Variants in PAAF1 observed in about 807,000 individuals in gnomAD.
PAAF1 encodes proteasomal ATPase-associated factor 1.
Under a neutral mutation model 52.8 loss-of-function variants are expected in PAAF1, and 46 were observed. That is an observed-to-expected ratio of 0.87 (90% CI 0.69 to 1.11). PAAF1 has a LOEUF of 1.11. Ranked by LOEUF, PAAF1 falls within the 50% of genes most tolerant of loss-of-function variation. The probability of loss-of-function intolerance (pLI) is 0.00; values close to 1 mark genes in which losing one functional copy is unlikely to be tolerated. For missense variants in PAAF1, 424 were observed against 477.4 expected (o/e 0.89, Z 1.04); for synonymous variants, 178 against 172.8 (o/e 1.03, Z -0.24).
chr11:73,925,032 G>A (rs1950314987), intron 11 of PAAF1, among the ~76,000 whole-genome samples: 1 of 151,524 alleles, frequency 6.6e-6, no homozygotes, highest in African/African-American at 2.4e-5. Flanking sequence ...GTACATGCCT[G>A]TAGTTCCAGT....
At position 73,890,274 on chromosome 11, in the gene PAAF1, T is replaced by G. The variant is rs189642902; in HGVS notation, c.193-838T>G. On this transcript the variant is annotated intron_variant, in intron 3 of 11. Coordinates refer to ENST00000310571, the MANE Select transcript of PAAF1 (RefSeq NM_025155.3). ...GTTTACCAAGCCTTTTTCTTTTTTT[T>G]ACCTCTACACGTGCTACCTTCAAAC... Among the ~76,000 whole-genome samples the G allele has an allele frequency of 2.6e-5, 4 of 152,300 alleles. No homozygotes were observed. In the East Asian group the frequency reaches 7.7e-4, roughly 29 times the overall value.
chr11:73,881,602 A>G (rs1029789426), intron 2 of PAAF1, among the ~76,000 whole-genome samples: 3 of 152,060 alleles, frequency 2.0e-5, no homozygotes, highest in Non-Finnish European at 2.9e-5. Flanking sequence ...ACAGTTTTAA[A>G]AAAACATTAT....
chr11:73,910,989 C>CAAAA (rs59523527), intron 7 of PAAF1, among the ~76,000 whole-genome samples: 2 of 69,482 alleles, frequency 2.9e-5, no homozygotes, highest in Non-Finnish European at 6.0e-5. Context: ...GACTCTGTCT[C>CAAAA]AAAAAAAAAA....
chr11:73,901,889 T>A (rs1591084616), intron 6 of PAAF1, among the ~76,000 whole-genome samples: 2 of 135,292 alleles, frequency 1.5e-5, no homozygotes, highest in South Asian at 4.7e-4. Flanking sequence ...TTTTTTTTTT[T>A]AGTTTCGCTT....
Position 73,917,629 on chromosome 11 carries a change from T to C in PAAF1, c.935+969T>C, listed in dbSNP as rs569580561. Among the ~76,000 whole-genome samples the C allele has an allele frequency of 6.6e-5, 10 of 152,294 alleles. No individual in the cohort carries two copies. The East Asian group carries it at 1.9e-3, about 29-fold the overall frequency. On this transcript the variant is annotated intron_variant, in intron 9 of 11. Coordinates refer to ENST00000310571, the MANE Select transcript of PAAF1 (RefSeq NM_025155.3). ...GCTCACGCCTGTAACCCCAGCACTT[T>C]GGAAGGTCAAGGTGGGTGGATCACC...
chr11:73,914,411 AGGTGAAC>A lies in PAAF1; in HGVS notation c.729_735del (p.Ser243ArgfsTer64). The A allele has an allele frequency of 6.2e-7, 1 of 1,613,780 alleles. No individual in the cohort carries two copies. The highest frequency in any genetic ancestry group is 8.5e-7 in the Non-Finnish European group (1 of 1,179,734). Reference sequence around the variant, plus strand: ...TATTAACATAGTTTATTTGTCATGCAGGTGAACGGGAGGTTGGAACAGAGGCCAAAAT... The same window carrying A: ...TATTAACATAGTTTATTTGTCATGCAGGGAGGTTGGAACAGAGGCCAAAAT... On this transcript the variant is annotated splice_acceptor_variant and coding_sequence_variant, in exon 8 of 12. Transcript: ENST00000310571. LOFTEE classifies it high-confidence loss of function.
chr11:73,925,080 G>A (rs1950316715), intron 11 of PAAF1, among the ~76,000 whole-genome samples: 1 of 151,284 alleles, frequency 6.6e-6, no homozygotes, highest in African/African-American at 2.4e-5. Context: ...GCTTGAACCT[G>A]GGAGGTGGAG....
intron 6 of PAAF1, among the ~76,000 whole-genome samples, chr11:73,902,346 CT>C (rs1949645433): frequency 6.6e-6 from 1 of 152,152 alleles, no homozygotes; most frequent in African/African-American, 2.4e-5. Context: ...AACTCATCAC[CT>C]CCTGAAGAAC....
intron 6 of PAAF1, among the ~76,000 whole-genome samples, chr11:73,904,664 A>G (rs1949711873): frequency 6.6e-6 from 1 of 152,142 alleles, no homozygotes; most frequent in Admixed American, 6.6e-5. Flanking sequence ...AGTCATAGCC[A>G]TTAATTTTCC....
intron 9 of PAAF1, among the ~76,000 whole-genome samples, chr11:73,918,352 ATTTTTTTTTTTTTTTTTT>A (rs1157984685): frequency 4.2e-5 from 3 of 71,734 alleles, no homozygotes; most frequent in South Asian, 6.7e-4. Flanking sequence ...CAGTTACTTA[ATTTTTTTTTTTTTTTTTT>A]TTTTTTTTTT....
rs1392677328 is a variant in PAAF1 at position 73,877,020 on chromosome 11, A to G, written c.-2A>G. Reference sequence around the variant, plus strand: ...AGGTGGGCTGGTGGAGGCGGGGTCGAGATGGCGGCGCCTTTGAGGATTCAG... The same window carrying G: ...AGGTGGGCTGGTGGAGGCGGGGTCGGGATGGCGGCGCCTTTGAGGATTCAG... On this transcript the variant is annotated 5_prime_UTR_variant, in exon 1 of 12. Transcript: ENST00000310571. 3 of 1,533,808 alleles carry G rather than the reference A, an allele frequency of 2.0e-6. No homozygotes were observed. The highest frequency in any genetic ancestry group is 2.5e-5 in the East Asian group (1 of 39,544).
At chr11:73,893,888 G>A (rs374913223) in intron 4 of PAAF1, among the ~76,000 whole-genome samples, 21 of 151,936 alleles carry the variant, frequency 1.4e-4, no homozygotes, top group East Asian at 5.8e-4. Flanking sequence ...GTAAGACCTC[G>A]TCTCTACAAA....
At chr11:73,923,615 A>G (rs1950284309) in intron 10 of PAAF1, among the ~76,000 whole-genome samples, 1 of 152,132 alleles carries the variant, frequency 6.6e-6, no homozygotes, top group Admixed American at 6.5e-5. Flanking sequence ...GGCTCACTGC[A>G]ACCTCTGCTT....
intron 1 of PAAF1, 25 bp downstream of exon 1, chr11:73,877,093 C>A: frequency 6.6e-7 from 1 of 1,512,058 alleles, no homozygotes; most frequent in Non-Finnish European, 8.9e-7. Flanking sequence ...AGAACAGAGT[C>A]AGAGGAGGCG....
chr11:73,881,908 CTTG>C (rs1311294613), intron 2 of PAAF1, among the ~76,000 whole-genome samples: 1 of 151,212 alleles, frequency 6.6e-6, no homozygotes, highest in Non-Finnish European at 1.5e-5. Flanking sequence ...GAGCTTTGCT[CTTG>C]TTGTCCAGGC....
At chr11:73,877,370 C>T (rs1383480267) in intron 1 of PAAF1, 1 of 265,846 alleles carries the variant, frequency 3.8e-6, no homozygotes, top group East Asian at 6.8e-5. Flanking sequence ...AGTCATTTAG[C>T]AAATATTGAT....
intron 2 of PAAF1, among the ~76,000 whole-genome samples, chr11:73,884,938 C>T (rs995501517): frequency 1.0e-4 from 15 of 150,236 alleles, no homozygotes; most frequent in African/African-American, 3.7e-4. Context: ...CGGCTCACTG[C>T]AAGTTCCGCC....
intron 4 of PAAF1, among the ~76,000 whole-genome samples, chr11:73,896,102 C>CTT (rs1949345316): frequency 2.0e-5 from 3 of 151,864 alleles, no homozygotes; most frequent in Non-Finnish European, 4.4e-5. Context: ...GAGTGAGACC[C>CTT]TGTCTTTAAA....
chr11:73,911,591 A>T (rs1232172295), intron 7 of PAAF1, among the ~76,000 whole-genome samples: 1 of 148,938 alleles, frequency 6.7e-6, no homozygotes, highest in Non-Finnish European at 1.5e-5. Context: ...CTTGACTGAA[A>T]TGGCTGTTGT....
Sources: allele counts gnomAD v4.1 joint callset (sites outside exome capture counted in the v4.1 genomes callset), GRCh38; gene constraint gnomAD v4.1.1; transcripts MANE v1.5; gene names NCBI Gene and HGNC (gene_info 2026-07-23, HGNC 2026-07-21).